Variants in AIM2 observed in about 807,000 individuals in gnomAD.
AIM2 encodes absent in melanoma 2.
In AIM2, 30 loss-of-function variants were observed where a neutral mutation model predicts 27.7. The ratio of observed to expected loss-of-function variants is 1.08; its 90% confidence interval spans 0.81 to 1.47. The LOEUF (loss-of-function observed/expected upper bound fraction) is 1.47, where lower values mean the gene tolerates loss of function less well. Ranked by LOEUF, AIM2 falls within the 40% of genes most tolerant of loss-of-function variation. AIM2 has a pLI of 0.00. For missense variants in AIM2, 358 were observed against 411.3 expected (o/e 0.87, Z 1.12); for synonymous variants, 141 against 145.3 (o/e 0.97, Z 0.21).
chr1:159,091,978 C>T (rs1657056866), intron 1 of AIM2, among the ~76,000 whole-genome samples: 1 of 152,200 alleles, frequency 6.6e-6, no homozygotes, highest in South Asian at 2.1e-4. Flanking sequence ...AGGGCACACA[C>T]ACCCTAAACA....
chr1:159,064,355 G>A (rs1225934635), intron 4 of AIM2, among the ~76,000 whole-genome samples: 1 of 152,222 alleles, frequency 6.6e-6, no homozygotes, highest in African/African-American at 2.4e-5. Flanking sequence ...GGCCAGGGTG[G>A]CCCATAGAAG....
chr1:159,088,443 T>C (rs1656971034), intron 1 of AIM2, among the ~76,000 whole-genome samples: 1 of 152,160 alleles, frequency 6.6e-6, no homozygotes. Flanking sequence ...CCCAATTCAA[T>C]ATCAAAACAT....
downstream of AIM2, among the ~76,000 whole-genome samples, chr1:159,061,580 TTTTTA>T: frequency 6.8e-6 from 1 of 147,682 alleles, no homozygotes; most frequent in Admixed American, 6.8e-5. Context: ...TTTTTTTTTT[TTTTTA>T]GTAGAGATGG....
At chr1:159,107,304 GTA>G (rs916044460) in intron 1 of AIM2, among the ~76,000 whole-genome samples, 9 of 150,672 alleles carry the variant, frequency 6.0e-5, no homozygotes, top group East Asian at 3.9e-4. Context: ...GTACATGTGT[GTA>G]TGTGTGTGTG....
rs55908329 is a variant in AIM2 at position 159,087,573 on chromosome 1, CTT to C, written c.-15-21246_-15-21245del. 2.9e-3 allele frequency among the ~76,000 whole-genome samples: 338 copies of C among 116,786 alleles called. 1 individual carries two copies. Among genetic ancestry groups the C allele is most frequent in the East Asian group, 0.021 (88 of 4,210 alleles). 76.6% of individuals were successfully genotyped at this position (116,786 alleles called of 152,430 possible). ...GCTTTTTCTTTATTCTGGATAAAGTCTTTTTTTTTTTTTTTTTGAGATGGAGT... is the reference window on the plus strand; with the variant it reads ...GCTTTTTCTTTATTCTGGATAAAGTCTTTTTTTTTTTTTTTGAGATGGAGT... On this transcript the variant is annotated intron_variant, in intron 1 of 2. Transcript: ENST00000368129.
At chr1:159,116,673 G>A (rs901910026) in intron 1 of AIM2, among the ~76,000 whole-genome samples, 18 of 152,028 alleles carry the variant, frequency 1.2e-4, no homozygotes, top group African/African-American at 4.3e-4. Context: ...TCACACAACA[G>A]GGCCTGTTGT....
chr1:159,078,203 C>G (rs1378243495), upstream of AIM2, among the ~76,000 whole-genome samples: 1 of 152,208 alleles, frequency 6.6e-6, no homozygotes, highest in Non-Finnish European at 1.5e-5. Context: ...TGACCATCAT[C>G]TGACATACGG....
At chr1:159,133,195 C>T (rs182692924) in intron 1 of AIM2, among the ~76,000 whole-genome samples, 2 of 147,528 alleles carry the variant, frequency 1.4e-5, no homozygotes, top group East Asian at 3.9e-4. Flanking sequence ...CTCTCTCTTT[C>T]TCTCTCTCTT....
At chr1:159,098,352 T>A (rs952840921) in intron 1 of AIM2, among the ~76,000 whole-genome samples, 2 of 152,198 alleles carry the variant, frequency 1.3e-5, no homozygotes, top group African/African-American at 4.8e-5. Flanking sequence ...GAGAGTCGTG[T>A]GTGCTCTCCA....
intron 3 of AIM2, among the ~76,000 whole-genome samples, chr1:159,068,070 G>A (rs1656184200): frequency 6.6e-6 from 1 of 152,090 alleles, no homozygotes; most frequent in South Asian, 2.1e-4. Flanking sequence ...CAGAGTCTCT[G>A]AATTGGATCT....
intron 1 of AIM2, chr1:159,122,244 A>C (rs1197728423): frequency 6.6e-6 from 1 of 152,232 alleles, no homozygotes; most frequent in African/African-American, 2.4e-5. Flanking sequence ...CTCACATTCC[A>C]GTCGGATGTA....
At chr1:159,104,855 T>C (rs191979134) in intron 1 of AIM2, among the ~76,000 whole-genome samples, 27 of 152,368 alleles carry the variant, frequency 1.8e-4, no homozygotes, top group Admixed American at 1.6e-3. Context: ...ATGTGTTTTC[T>C]GGGCCTTTTA....
chr1:159,059,766 T>C (rs1655772069), downstream of AIM2, among the ~76,000 whole-genome samples: 1 of 152,198 alleles, frequency 6.6e-6, no homozygotes, highest in Non-Finnish European at 1.5e-5. Flanking sequence ...AAGGACAATC[T>C]ATCTTTAAAT....
At chr1:159,092,033 T>A (rs1401785486) in intron 1 of AIM2, among the ~76,000 whole-genome samples, 1 of 152,172 alleles carries the variant, frequency 6.6e-6, no homozygotes, top group Non-Finnish European at 1.5e-5. Flanking sequence ...AACAATTAAG[T>A]GAAATCCTTA....
chr1:159,091,209 G>C (rs1225878085), intron 1 of AIM2, among the ~76,000 whole-genome samples: 1 of 152,190 alleles, frequency 6.6e-6, no homozygotes, highest in Non-Finnish European at 1.5e-5. Context: ...AGCTAGAAAA[G>C]AGAATGATAG....
intron 1 of AIM2, among the ~76,000 whole-genome samples, chr1:159,102,301 G>A (rs1008965000): frequency 6.6e-6 from 1 of 152,350 alleles, no homozygotes; most frequent in Admixed American, 6.5e-5. Flanking sequence ...CTAGATTTCA[G>A]AGGATGTATG....
At chr1:159,097,976 C>G (rs1428409025) in intron 1 of AIM2, among the ~76,000 whole-genome samples, 1 of 152,146 alleles carries the variant, frequency 6.6e-6, no homozygotes, top group African/African-American at 2.4e-5. Flanking sequence ...TATGAAAACA[C>G]ATTTTTAAAA....
rs778613444 is a variant in AIM2 at position 159,062,693 on chromosome 1, T to A, written c.1031A>T (p.Ter344LeuextTer16). The change falls in exon 6 of 6, where the codon TAG becomes TTG. Residue 344 changes from the stop codon to leucine (L), a stop_lost. Coordinates refer to ENST00000368130, the MANE Select transcript of AIM2 (RefSeq NM_004833.3). Reference protein sequence around the residue: ...IKVIKAKKKT* With the variant: ...IKVIKAKKKTL ...CTTGAATTGGTCCTTTTTACTTCTC[T>A]ATGTTTTTTTTTTGGCCTTAATAAC... 16 of 1,613,494 alleles carry A rather than the reference T, an allele frequency of 9.9e-6. No individual in the cohort carries two copies. The highest frequency in any genetic ancestry group is 1.4e-5 in the Non-Finnish European group (16 of 1,179,750).
chr1:159,127,662 T>C (rs1160763593), intron 1 of AIM2, among the ~76,000 whole-genome samples: 1 of 152,314 alleles, frequency 6.6e-6, no homozygotes, highest in African/African-American at 2.4e-5. Flanking sequence ...AGTGCTCTTA[T>C]GAAAGAGGGA....
Sources: allele counts gnomAD v4.1 joint callset (sites outside exome capture counted in the v4.1 genomes callset), GRCh38; gene constraint gnomAD v4.1.1; transcripts MANE v1.5; gene names NCBI Gene and HGNC (gene_info 2026-07-23, HGNC 2026-07-21).